The following DPP6 variants were observed in gnomAD, a reference collection of about 807,000 sequenced individuals.
DPP6 encodes the protein dipeptidyl peptidase like 6, also known as A-type potassium channel modulatory protein DPP6.
DPP6 carries 69 observed loss-of-function variants against 122.6 expected under a neutral mutation model. That is an observed-to-expected ratio of 0.56 (90% CI 0.46 to 0.69). The LOEUF is 0.69. DPP6 is among the 30% of genes least tolerant of loss of function. The probability of loss-of-function intolerance (pLI) is 0.00; values close to 1 mark genes in which losing one functional copy is unlikely to be tolerated. For synonymous variants in DPP6, 418 were observed against 433.1 expected, an observed-to-expected ratio of 0.97 and a Z score of 0.43; for missense variants, 928 against 1,116.9, an observed-to-expected ratio of 0.83 and a Z score of 2.41.
At chr7:153,861,609 T>G in the DPP6 span, among the ~76,000 whole-genome samples, 1 of 152,198 alleles carries the variant, frequency 6.6e-6, no homozygotes, top group Non-Finnish European at 1.5e-5. Context: ...TTTATCATAT[T>G]CAATGGTACA....
upstream of DPP6, among the ~76,000 whole-genome samples, chr7:153,886,112 T>TACACACACACAC (rs60245538): frequency 0.021 from 2,900 of 140,370 alleles, 45 homozygotes; most frequent in African/African-American, 0.024. Context: ...GGCACGCCCT[T>TACACACACACAC]ACACACACAC....
chr7:154,220,100 A>G (rs1800219496), intron 1 of DPP6, among the ~76,000 whole-genome samples: 1 of 152,156 alleles, frequency 6.6e-6, no homozygotes, highest in Admixed American at 6.5e-5. Flanking sequence ...GTTTAAATGT[A>G]TGTTCTCCCT....
chr7:154,750,953 A>G (rs1843350443), intron 8 of DPP6, among the ~76,000 whole-genome samples: 2 of 152,138 alleles, frequency 1.3e-5, no homozygotes, highest in African/African-American at 4.8e-5. Flanking sequence ...AAGGCAAGAG[A>G]GCACGTAGAT....
chr7:153,819,697 C>A, the DPP6 span, among the ~76,000 whole-genome samples: 2 of 151,882 alleles, frequency 1.3e-5, no homozygotes, highest in East Asian at 3.9e-4. Flanking sequence ...ATAAGGAGGA[C>A]GGATGAAAGA....
chr7:153,970,232 T>G (rs1795958700), intron 1 of DPP6, among the ~76,000 whole-genome samples: 1 of 152,214 alleles, frequency 6.6e-6, no homozygotes, highest in Admixed American at 6.5e-5. Flanking sequence ...ATGTTTAACG[T>G]TATTAGAAAC....
Position 154,738,470 on chromosome 7 carries a change from T to A in DPP6, c.883+10583T>A, listed in dbSNP as rs570443137. On this transcript the variant is annotated intron_variant, in intron 8 of 25. Coordinates refer to ENST00000377770, the MANE Select transcript of DPP6 (RefSeq NM_130797.4). The stretch of plus-strand genomic sequence containing the variant: ...ACCCTGGGAGTTCTCCAGCCAAGAG[T>A]TGCAATTTAAACTCAGAAATAAATA... Among the ~76,000 whole-genome samples the A allele has an allele frequency of 1.2e-4, 19 of 152,272 alleles. No individual in the cohort carries two copies. In the East Asian group the frequency reaches 3.1e-3, roughly 25 times the overall value.
At chr7:153,902,270 G>A (rs1799668105) in intron 1 of DPP6, among the ~76,000 whole-genome samples, 1 of 152,172 alleles carries the variant, frequency 6.6e-6, no homozygotes, top group Admixed American at 6.5e-5. Context: ...TTGTCAAATA[G>A]TTCATCCTAA....
intron 1 of DPP6, among the ~76,000 whole-genome samples, chr7:154,363,190 C>T (rs1811881089): frequency 6.6e-6 from 1 of 152,160 alleles, no homozygotes; most frequent in African/African-American, 2.4e-5. Flanking sequence ...AGTGACCAGC[C>T]CTCCTGAGGG....
Position 154,008,731 on chromosome 7 carries a change from G to A in DPP6, c.51+120997G>A, listed in dbSNP as rs375525862. ...GGCTGGAGTGCAGTGGCGCGATCTC[G>A]GCTCACTGCAAGCTCCGCCTCCCAG... is the stretch of plus-strand genomic sequence containing the variant. On this transcript the variant is annotated intron_variant, in intron 1 of 25. Coordinates refer to the DPP6 transcript ENST00000404039. 3.5e-4 allele frequency among the ~76,000 whole-genome samples: 51 copies of A among 146,410 alleles called. No individual in the cohort carries two copies. The South Asian group carries it at 0.01, about 29-fold the overall frequency.
At chr7:154,559,988 C>T (rs1029054759) in intron 4 of DPP6, among the ~76,000 whole-genome samples, 5 of 145,666 alleles carry the variant, frequency 3.4e-5, no homozygotes, top group African/African-American at 1.0e-4. Flanking sequence ...CATATATAAA[C>T]ATATATATAT....
intron 5 of DPP6, among the ~76,000 whole-genome samples, chr7:154,584,076 G>A (rs1352028336): frequency 6.6e-6 from 1 of 152,054 alleles, no homozygotes; most frequent in Non-Finnish European, 1.5e-5. Flanking sequence ...CTGCCTCCAG[G>A]GCCTCTTTGC....
chr7:154,184,190 A>G (rs1187282089), intron 1 of DPP6, among the ~76,000 whole-genome samples: 1 of 151,418 alleles, frequency 6.6e-6, no homozygotes, highest in Admixed American at 6.6e-5. Flanking sequence ...AGTTGAGATA[A>G]TGGTTAGTGT....
At chr7:154,538,847 A>G (rs910265372) in intron 3 of DPP6, among the ~76,000 whole-genome samples, 3 of 152,234 alleles carry the variant, frequency 2.0e-5, no homozygotes, top group Admixed American at 1.3e-4. Context: ...ACAGAAAAAT[A>G]TGACTCATTT....
intron 17 of DPP6, among the ~76,000 whole-genome samples, chr7:154,857,823 GCACTT>G: frequency 6.6e-6 from 1 of 152,312 alleles, no homozygotes; most frequent in South Asian, 2.1e-4. Context: ...TGTCAGGCCA[GCACTT>G]CACACATCAG....
At chr7:154,533,363 C>G (rs1277243848) in intron 3 of DPP6, among the ~76,000 whole-genome samples, 3 of 152,144 alleles carry the variant, frequency 2.0e-5, no homozygotes, top group South Asian at 2.1e-4. Flanking sequence ...TCAAATGACT[C>G]CTATTTTCAA....
At chr7:154,813,236 A>C (rs931555883) in intron 16 of DPP6, among the ~76,000 whole-genome samples, 1 of 151,856 alleles carries the variant, frequency 6.6e-6, no homozygotes. Flanking sequence ...GCCCGCCACA[A>C]TGCCCAGCTA....
At chr7:154,155,493 C>G (rs1157052323) in intron 1 of DPP6, among the ~76,000 whole-genome samples, 2 of 152,172 alleles carry the variant, frequency 1.3e-5, no homozygotes, top group African/African-American at 4.8e-5. Flanking sequence ...AAACTGTTAG[C>G]CTTCCAATAC....
At chr7:154,329,748 A>G (rs1808754772) in intron 1 of DPP6, among the ~76,000 whole-genome samples, 1 of 152,214 alleles carries the variant, frequency 6.6e-6, no homozygotes, top group Non-Finnish European at 1.5e-5. Flanking sequence ...TTGCAGCACT[A>G]TTTACAATAA....
intron 16 of DPP6, among the ~76,000 whole-genome samples, chr7:154,834,843 G>C (rs1800923068): frequency 6.6e-6 from 1 of 152,208 alleles, no homozygotes; most frequent in Non-Finnish European, 1.5e-5. Flanking sequence ...GTTGTCTACG[G>C]TCTGAGAAAG....
Sources: gnomAD v4.1 joint callset for allele counts (sites outside exome capture counted in the v4.1 genomes callset) on GRCh38, gnomAD v4.1.1 for gene constraint, MANE v1.5 for transcripts, NCBI Gene and HGNC (gene_info 2026-07-23, HGNC 2026-07-21) for gene names.